Variants in BCKDHA observed in about 807,000 individuals in gnomAD.
BCKDHA encodes branched chain keto acid dehydrogenase E1 subunit alpha.
In BCKDHA, 43 loss-of-function variants were observed where a neutral mutation model predicts 52.2. The ratio of observed to expected loss-of-function variants is 0.82; its 90% CI spans 0.64 to 1.06. The LOEUF is 1.06. Among genes scored for constraint, BCKDHA ranks in the 50% least tolerant of loss-of-function variants. BCKDHA has a pLI of 0.00. For synonymous variants in BCKDHA, 234 were observed against 247.9 expected, an observed-to-expected ratio of 0.94 and a Z score of 0.53; for missense variants, 527 against 621.3, an observed-to-expected ratio of 0.85 and a Z score of 1.61.
intron 1 of BCKDHA, 85 bp from the exon 2 acceptor site, chr19:41,410,552 G>T: frequency 6.7e-7 from 1 of 1,493,958 alleles, no homozygotes. Context: ...CAACCACCAT[G>T]CCGCCTGCCT....
At chr19:41,418,179 A>G (rs577613523) in intron 4 of BCKDHA, among the ~76,000 whole-genome samples, 2 of 151,878 alleles carry the variant, frequency 1.3e-5, no homozygotes, top group South Asian at 2.1e-4. Context: ...GTTCTGCGGT[A>G]AAGAAAGGAT....
At chr19:41,422,048 T>G (rs2039371487) in intron 5 of BCKDHA, 116 bp from the exon 6 acceptor site, 1 of 1,024,176 alleles carries the variant, frequency 9.8e-7, no homozygotes, top group Admixed American at 2.0e-5. Context: ...CCTTTCCCCT[T>G]GAAGCCTGGT....
intron 1 of BCKDHA, among the ~76,000 whole-genome samples, chr19:41,402,318 G>A: frequency 6.6e-6 from 1 of 152,164 alleles, no homozygotes; most frequent in East Asian, 1.9e-4. Flanking sequence ...GGTCATTACA[G>A]TCTTCTAAGT....
At chr19:41,408,248 C>CCCGGCAT (rs113934297) in intron 1 of BCKDHA, among the ~76,000 whole-genome samples, 1 of 150,114 alleles carries the variant, frequency 6.7e-6, no homozygotes, top group African/African-American at 2.5e-5. Context: ...TAAGCCACTG[C>CCCGGCAT]CCAGCATCCC....
rs772012508 is a variant in BCKDHA at position 41,419,318 on chromosome 19, C to G, written c.646+22C>G. On this transcript the variant is annotated intron_variant, in intron 5 of 8. Transcript: ENST00000269980. ...CAGGGTGAGGATGCATGCCCTGTAC[C>G]TTGCACATGTGCAGACCAATGTCAC... The G allele has an allele frequency of 3.7e-6, 6 of 1,604,258 alleles. No homozygotes were observed. In the African/African-American group the frequency reaches 8.0e-5, roughly 21 times the overall value.
intron 4 of BCKDHA, among the ~76,000 whole-genome samples, chr19:41,418,176 G>T (rs955876772): frequency 1.3e-5 from 2 of 151,478 alleles, no homozygotes; most frequent in Non-Finnish European, 2.9e-5. Flanking sequence ...CGGGTTCTGC[G>T]GTAAAGAAAG....
chr19:41,404,062 C>G (rs2123242800), intron 1 of BCKDHA, among the ~76,000 whole-genome samples: 1 of 152,238 alleles, frequency 6.6e-6, no homozygotes. Flanking sequence ...TCACTGCAAC[C>G]TCTGCCTCCT....
At position 41,422,240 on chromosome 19, in the gene BCKDHA, C is replaced by T. The variant is rs2122143075; in HGVS notation, c.723C>T (p.Ala241=). Residue 241 remains alanine, a synonymous_variant, in exon 6 of 9, where the codon GCC becomes GCT. Coordinates refer to ENST00000269980, the MANE Select transcript of BCKDHA (RefSeq NM_000709.4). ...VVICYFGEGA[A]SEGDAHAGFN... ...TCTGTTACTTCGGCGAGGGGGCAGCCAGTGAGGGGGACGCCCATGCCGGCT... is the reference window on the plus strand; with the variant it reads ...TCTGTTACTTCGGCGAGGGGGCAGCTAGTGAGGGGGACGCCCATGCCGGCT... 1.2e-6 allele frequency: 2 copies of T among 1,614,194 alleles called. No homozygotes were observed. The highest frequency in any genetic ancestry group is 1.7e-6 in the Non-Finnish European group (2 of 1,180,010).
chr19:41,406,571 T>C (rs78393603), intron 1 of BCKDHA, among the ~76,000 whole-genome samples: 1 of 133,036 alleles, frequency 7.5e-6, no homozygotes. Context: ...TCCCAGCTAA[T>C]TTTTTTTTTT....
chr19:41,406,917 C>G (rs1161423900), intron 1 of BCKDHA, among the ~76,000 whole-genome samples: 2 of 152,116 alleles, frequency 1.3e-5, no homozygotes, highest in African/African-American at 2.4e-5. Flanking sequence ...TTTGCCTAGG[C>G]TGGACTCACT....
At chr19:41,412,081 C>G (rs896586540) in intron 3 of BCKDHA, among the ~76,000 whole-genome samples, 2 of 152,180 alleles carry the variant, frequency 1.3e-5, no homozygotes, top group Non-Finnish European at 2.9e-5. Context: ...TTACACATGG[C>G]CCTGTGTGAT....
At chr19:41,400,855 C>CA (rs1405568120) in intron 1 of BCKDHA, among the ~76,000 whole-genome samples, 6 of 151,336 alleles carry the variant, frequency 4.0e-5, no homozygotes, top group South Asian at 2.1e-4. Flanking sequence ...ACTAAAAATA[C>CA]AAAAAAATTA....
Position 41,423,079 on chromosome 19 carries a change from C to T in BCKDHA, c.1077C>T (p.His359=). 6.3e-7 allele frequency: 1 copy of T among 1,584,848 alleles called. No individual in the cohort carries two copies. Among genetic ancestry groups the T allele is most frequent in the African/African-American group, 1.3e-5 (1 of 74,476 alleles). ...DEVNYWDKQD[H]PISRLRHYLL... is the part of the protein sequence containing the mutation. ...TCAATTACTGGGATAAACAGGACCA[C>T]CCCATCTCCCGGCTGCGGCACTATC... The change falls in exon 8 of 9, where the codon CAC becomes CAT. Residue 359 remains histidine, a synonymous_variant. Coordinates refer to ENST00000269980, the MANE Select transcript of BCKDHA (RefSeq NM_000709.4).
intron 1 of BCKDHA, among the ~76,000 whole-genome samples, chr19:41,408,234 G>A (rs2039214025): frequency 8.1e-6 from 1 of 124,148 alleles, no homozygotes; most frequent in South Asian, 2.6e-4. Context: ...TAGGATTACA[G>A]GCGTAAGCCA....
At chr19:41,401,909 C>T (rs2039143090) in intron 1 of BCKDHA, among the ~76,000 whole-genome samples, 1 of 152,168 alleles carries the variant, frequency 6.6e-6, no homozygotes, top group Non-Finnish European at 1.5e-5. Flanking sequence ...GGTAGGTACT[C>T]AGTGTATGTA....
intron 4 of BCKDHA, among the ~76,000 whole-genome samples, chr19:41,418,548 T>C (rs2039330563): frequency 6.6e-6 from 1 of 151,752 alleles, no homozygotes; most frequent in South Asian, 2.1e-4. Flanking sequence ...TTTTTTTTTT[T>C]CGAGACAGGG....
intron 1 of BCKDHA, among the ~76,000 whole-genome samples, chr19:41,407,950 ATTTT>A (rs144717663): frequency 0.44 from 54,964 of 124,348 alleles, 10,788 homozygotes; most frequent in African/African-American, 0.5. Flanking sequence ...TTCTGATGTA[ATTTT>A]TTTTTTTTTT....
In BCKDHA at chr19:41,403,174, C is replaced by T. The variant is rs114910270; in HGVS notation, c.108+5239C>T. ...TAATCTGCACGCCTTTCCCTTCTCA[C>T]GAGATATTCTGGGAAGGGGGACTCA... On this transcript the variant is annotated intron_variant, in intron 1 of 8. Coordinates refer to ENST00000269980, the MANE Select transcript of BCKDHA (RefSeq NM_000709.4). Among the ~76,000 whole-genome samples, 443 of 152,308 alleles carry T rather than the reference C, an allele frequency of 2.9e-3. 3 individuals are homozygous for T. Among genetic ancestry groups the T allele is most frequent in the African/African-American group, 0.01 (416 of 41,562 alleles).
rs75610485 is a variant in BCKDHA at position 41,419,533 on chromosome 19, C to T, written c.646+237C>T. ...CGCAGCTCACTGCAGCCTCCTTCTC[C>T]CAGCTTCAAGCAATTCTCCTGCCTC... On this transcript the variant is annotated intron_variant, in intron 5 of 8. Transcript: ENST00000269980. 8.6e-3 allele frequency among the ~76,000 whole-genome samples: 1,304 copies of T among 152,266 alleles called. 23 individuals are homozygous for T. Among genetic ancestry groups the T allele is most frequent in the South Asian group, 0.051 (246 of 4,816 alleles).
Sources: allele counts gnomAD v4.1 joint callset (sites outside exome capture counted in the v4.1 genomes callset), GRCh38; gene constraint gnomAD v4.1.1; transcripts MANE v1.5; gene names NCBI Gene and HGNC (gene_info 2026-07-23, HGNC 2026-07-21).